The following NCALD variants were observed in gnomAD, a reference collection of about 807,000 sequenced individuals.
The protein encoded by NCALD is neurocalcin-delta.
A neutral mutation model predicts 18.6 loss-of-function variants in NCALD; 10 were observed. The ratio of observed to expected loss-of-function variants is 0.54; its 90% CI spans 0.33 to 0.91. The LOEUF (loss-of-function observed/expected upper bound fraction) is 0.91, where lower values mean the gene tolerates loss of function less well. Ranked by LOEUF, NCALD falls within the 40% of genes least tolerant of loss-of-function variation. The pLI, the probability that NCALD is intolerant of heterozygous loss-of-function variation, is 0.03. For synonymous variants in NCALD, 88 were observed against 87.4 expected (o/e 1.01, Z -0.04); for missense variants, 184 against 247.6 (o/e 0.74, Z 1.72).
chr8:101,891,365 C>T (rs1010197957), intron 3 of NCALD, among the ~76,000 whole-genome samples: 6 of 152,324 alleles, frequency 3.9e-5, no homozygotes, highest in African/African-American at 1.2e-4. Flanking sequence ...TACAATCATA[C>T]AGTATGTGAC....
At chr8:101,718,170 C>T (rs554402866) in intron 2 of NCALD, among the ~76,000 whole-genome samples, 9 of 152,300 alleles carry the variant, frequency 5.9e-5, no homozygotes, top group African/African-American at 2.2e-4. Flanking sequence ...CACTGTGGGC[C>T]TGTGAATGGA....
chr8:101,742,583 T>C (rs1810250919), intron 1 of NCALD, among the ~76,000 whole-genome samples: 1 of 152,202 alleles, frequency 6.6e-6, no homozygotes, highest in African/African-American at 2.4e-5. Context: ...CAAATCTGAG[T>C]TGAATCCATT....
chr8:102,116,387 T>C (rs1825787653), intron 1 of NCALD, among the ~76,000 whole-genome samples: 2 of 152,192 alleles, frequency 1.3e-5, no homozygotes, highest in Admixed American at 1.3e-4. Context: ...TTGCCGTGTA[T>C]CCTAACTACT....
At chr8:101,845,333 C>A (rs1316674464) in intron 4 of NCALD, among the ~76,000 whole-genome samples, 1 of 152,044 alleles carries the variant, frequency 6.6e-6, no homozygotes, top group East Asian at 1.9e-4. Flanking sequence ...TTGGAGGAGC[C>A]CTGGGCCAGA....
chr8:102,085,169 G>A (rs953220215), intron 1 of NCALD, among the ~76,000 whole-genome samples: 4 of 151,982 alleles, frequency 2.6e-5, no homozygotes, highest in African/African-American at 9.7e-5. Context: ...TAATATTTGG[G>A]GCCAGGTAAT....
intron 2 of NCALD, among the ~76,000 whole-genome samples, chr8:101,980,932 TC>T (rs1820598043): frequency 6.6e-6 from 1 of 152,188 alleles, no homozygotes; most frequent in Non-Finnish European, 1.5e-5. Flanking sequence ...AAAACCCAAT[TC>T]AAGTTCCATC....
chr8:101,980,323 G>T (rs1820572427), intron 2 of NCALD, among the ~76,000 whole-genome samples: 1 of 152,162 alleles, frequency 6.6e-6, no homozygotes, highest in South Asian at 2.1e-4. Flanking sequence ...TTTACTGAAG[G>T]GGGAGGCATG....
chr8:102,107,239 T>TATAC (rs1316267759), intron 1 of NCALD, among the ~76,000 whole-genome samples: 9 of 110,462 alleles, frequency 8.1e-5, no homozygotes, highest in South Asian at 2.8e-4. Context: ...TATATATATA[T>TATAC]ACACATAGAA....
At position 102,081,614 on chromosome 8, in the gene NCALD, C is replaced by G. The variant is rs377252201; in HGVS notation, c.-210+42623G>C. On this transcript the variant is annotated intron_variant, in intron 1 of 6. Coordinates refer to the NCALD transcript ENST00000311028. ...CTGGCTTTGCGCATGCGCACTTTAC[C>G]TCTTCCGAACTCTGCAATTCTCCCA... Among the ~76,000 whole-genome samples the G allele has an allele frequency of 2.7e-5, 4 of 150,434 alleles. No homozygotes were observed. The East Asian group carries it at 5.9e-4, about 22-fold the overall frequency.
chr8:101,960,564 TG>T (rs2131848709), intron 2 of NCALD, among the ~76,000 whole-genome samples: 1 of 152,318 alleles, frequency 6.6e-6, no homozygotes, highest in South Asian at 2.1e-4. Flanking sequence ...GAATCAGATC[TG>T]GTGACACCTG....
chr8:102,111,853 C>T (rs536637741), intron 1 of NCALD, among the ~76,000 whole-genome samples: 21 of 152,092 alleles, frequency 1.4e-4, no homozygotes, highest in Non-Finnish European at 2.4e-4. Flanking sequence ...AAAATCTTTA[C>T]GTAAAAATAG....
chr8:101,826,708 T>C (rs536969282), intron 4 of NCALD, among the ~76,000 whole-genome samples: 1 of 152,336 alleles, frequency 6.6e-6, no homozygotes, highest in African/African-American at 2.4e-5. Context: ...TTATTTGCTA[T>C]TTATAAAAAT....
chr8:102,023,602 C>T (rs537149205), intron 1 of NCALD, among the ~76,000 whole-genome samples: 2 of 152,306 alleles, frequency 1.3e-5, no homozygotes, highest in East Asian at 1.9e-4. Context: ...TCATTTTTCT[C>T]ATCTGCAAAA....
chr8:102,081,286 T>C (rs940840133), intron 1 of NCALD, among the ~76,000 whole-genome samples: 4 of 152,184 alleles, frequency 2.6e-5, no homozygotes, highest in African/African-American at 9.7e-5. Flanking sequence ...GACCACAATA[T>C]AACCAGCCTA....
At chr8:101,728,737 G>T (rs28619877) in intron 1 of NCALD, among the ~76,000 whole-genome samples, 76,074 of 152,100 alleles carry the variant, frequency 0.5, 22,659 homozygotes, top group African/African-American at 0.82. Flanking sequence ...GGAGAATCAC[G>T]TGAACCAGGG....
intron 1 of NCALD, among the ~76,000 whole-genome samples, chr8:102,026,644 A>T (rs1425657445): frequency 6.6e-6 from 1 of 152,134 alleles, no homozygotes; most frequent in Non-Finnish European, 1.5e-5. Flanking sequence ...TGGCTTTTTC[A>T]GGCACACAGT....
At chr8:101,814,470 A>G (rs1813419989) in intron 4 of NCALD, among the ~76,000 whole-genome samples, 1 of 152,088 alleles carries the variant, frequency 6.6e-6, no homozygotes, top group Admixed American at 6.6e-5. Context: ...CTAAACTGGG[A>G]ATAGAGGGGA....
At chr8:101,862,940 C>T (rs1815605233) in intron 4 of NCALD, among the ~76,000 whole-genome samples, 1 of 152,212 alleles carries the variant, frequency 6.6e-6, no homozygotes, top group Non-Finnish European at 1.5e-5. Flanking sequence ...TTAATCTTCA[C>T]AACAACCCAA....
intron 4 of NCALD, among the ~76,000 whole-genome samples, chr8:101,825,645 G>A (rs747713048): frequency 1.4e-4 from 22 of 152,172 alleles, no homozygotes; most frequent in East Asian, 3.8e-4. Flanking sequence ...TAATTCAGTC[G>A]GGTTCAGTCC....
Sources: allele counts gnomAD v4.1 joint callset (sites outside exome capture counted in the v4.1 genomes callset), GRCh38; gene constraint gnomAD v4.1.1; transcripts MANE v1.5; gene names NCBI Gene and HGNC (gene_info 2026-07-23, HGNC 2026-07-21).